The following APPL1 variants were observed in gnomAD, a reference collection of about 807,000 sequenced individuals.
APPL1 encodes DCC-interacting protein 13-alpha.
In APPL1, 42 loss-of-function variants were observed where a neutral mutation model predicts 106.8. The ratio of observed to expected loss-of-function variants is 0.39; its 90% confidence interval spans 0.31 to 0.51. The LOEUF (loss-of-function observed/expected upper bound fraction) is 0.51. APPL1 is among the 20% of genes least tolerant of loss of function. APPL1 has a pLI of 0.75. For synonymous variants in APPL1, 263 were observed against 281.8 expected (o/e 0.93, Z 0.67); for missense variants, 769 against 858.2 (o/e 0.90, Z 1.30).
At position 57,272,544 on chromosome 3, in the gene APPL1, T is replaced by G. The variant is rs986565651; in HGVS notation, c.*2857T>G. ...TTATTTAAAATTTGAATCCTATTAA[T>G]GCTGAGAGATCCTAAGAGCTAGTAT... On this transcript the variant is annotated 3_prime_UTR_variant, in exon 22 of 22. Coordinates refer to ENST00000288266, the MANE Select transcript of APPL1 (RefSeq NM_012096.3). 6.6e-6 allele frequency: 1 copy of G among 152,170 alleles called. No homozygotes were observed. Among genetic ancestry groups the G allele is most frequent in the Non-Finnish European group, 1.5e-5 (1 of 68,034 alleles). 9.4% of individuals were successfully genotyped at this position (152,170 alleles called of 1,614,324 possible).
chr3:57,248,114 A>G, intron 9 of APPL1, 79 bp from the exon 10 acceptor site: 1 of 1,421,436 alleles, frequency 7.0e-7, no homozygotes, highest in Non-Finnish European at 9.4e-7. Flanking sequence ...CATACCCGAA[A>G]CAAATATGCA....
At position 57,231,869 on chromosome 3, in the gene APPL1, C is replaced by G. The variant is rs542715816; in HGVS notation, c.55-3697C>G. ...AAGACTATCCTGAATTACAGTTACC[C>G]TTCTTTTAGTTTTGATTTATAGTAA... On this transcript the variant is annotated intron_variant, in intron 1 of 21. Transcript: ENST00000288266. 2.6e-5 allele frequency among the ~76,000 whole-genome samples: 4 copies of G among 151,640 alleles called. No individual in the cohort carries two copies. In the South Asian group the frequency reaches 8.3e-4, roughly 32 times the overall value.
Position 57,256,195 on chromosome 3 carries a change from A to G in APPL1, c.1153-762A>G, listed in dbSNP as rs144959901. On this transcript the variant is annotated intron_variant, in intron 13 of 21. Transcript: ENST00000288266. Reference sequence around the variant, plus strand: ...TTGCACGCCAGCCTGGGCAATAGAGAACGTATCTCCCAAAAAAAGACCATT... The same window carrying G: ...TTGCACGCCAGCCTGGGCAATAGAGGACGTATCTCCCAAAAAAAGACCATT... 1.2e-3 allele frequency among the ~76,000 whole-genome samples: 185 copies of G among 152,264 alleles called. 1 individual carries two copies. Among genetic ancestry groups the G allele is most frequent in the African/African-American group, 4.3e-3 (178 of 41,558 alleles).
In APPL1 at chr3:57,249,512, G is replaced by A. The variant is rs764670150; in HGVS notation, c.1016G>A (p.Arg339Gln). ...SVMAVDCEDR[R>Q]YCFQITSFDG... ...ATGGCTGTGGACTGTGAAGACAGAC[G>A]ATATTGTTTTCAGATCACCTCTTTC... Residue 339 changes from arginine to glutamine, a missense_variant, in exon 11 of 22, where the codon CGA (arginine) becomes CAA (glutamine). Coordinates refer to ENST00000288266, the MANE Select transcript of APPL1 (RefSeq NM_012096.3). The A allele has an allele frequency of 2.5e-6, 4 of 1,600,884 alleles. No individual in the cohort carries two copies. Among genetic ancestry groups the A allele is most frequent in the South Asian group, 1.1e-5 (1 of 88,312 alleles).
chr3:57,243,972 A>G (rs1458864741), intron 7 of APPL1, among the ~76,000 whole-genome samples: 1 of 152,164 alleles, frequency 6.6e-6, no homozygotes, highest in Non-Finnish European at 1.5e-5. Context: ...TGGATACTCC[A>G]CATTTATTGA....
chr3:57,227,797 G>T lies in APPL1; in HGVS notation c.-87G>T, dbSNP rs1018337446. 3.7e-5 allele frequency: 45 copies of T among 1,207,340 alleles called. No homozygotes were observed. Among genetic ancestry groups the T allele is most frequent in the South Asian group, 5.0e-5 (3 of 59,556 alleles). 74.8% of individuals were successfully genotyped at this position (1,207,340 alleles called of 1,614,324 possible). A position where few individuals can be genotyped will look rare whatever the true frequency, so the allele number is the denominator to read the frequency against. ...GGCTGCAGCCCTTGCCGGAGAGGGC[G>T]GGCCGGGGTCAGCTGCGGCGGGCGG... On this transcript the variant is annotated 5_prime_UTR_variant, in exon 1 of 22. Coordinates refer to ENST00000288266, the MANE Select transcript of APPL1 (RefSeq NM_012096.3).
In APPL1 at chr3:57,240,462, T is replaced by G; in HGVS notation, c.286-3T>G. On this transcript the variant is annotated splice_region_variant and splice_polypyrimidine_tract_variant and intron_variant, in intron 4 of 21. Coordinates refer to ENST00000288266, the MANE Select transcript of APPL1 (RefSeq NM_012096.3). ...TTGGCCTTTTTGGTCTTTCTTTTTCTAGCTTAGCTCTTGTCATGCAGTGCT... is the reference window on the plus strand; with the variant it reads ...TTGGCCTTTTTGGTCTTTCTTTTTCGAGCTTAGCTCTTGTCATGCAGTGCT... The G allele has an allele frequency of 6.2e-7, 1 of 1,613,492 alleles. No homozygotes were observed.
At chr3:57,257,130 G>A in intron 14 of APPL1, 79 bp downstream of exon 14, 4 of 1,562,108 alleles carry the variant, frequency 2.6e-6, no homozygotes, top group Non-Finnish European at 3.5e-6. Context: ...TGTTTGTACT[G>A]AAACTTAAGA....
chr3:57,263,203 C>T (rs189772321), intron 19 of APPL1, among the ~76,000 whole-genome samples: 43 of 152,208 alleles, frequency 2.8e-4, no homozygotes, highest in African/African-American at 8.7e-4. Flanking sequence ...TTATGCAATG[C>T]GTAATAACCA....
chr3:57,236,577 C>T (rs939487059), intron 2 of APPL1, among the ~76,000 whole-genome samples: 3 of 152,216 alleles, frequency 2.0e-5, no homozygotes, highest in Non-Finnish European at 4.4e-5. Context: ...ATCTGCCCGC[C>T]TCGGCCTCCC....
chr3:57,248,412 A>G (rs983522209), intron 10 of APPL1, 61 bp downstream of exon 10: 2 of 1,502,562 alleles, frequency 1.3e-6, no homozygotes, highest in Admixed American at 2.0e-5. Context: ...CCAAATGAAT[A>G]TAGTAAATAA....
chr3:57,242,846 T>C lies in APPL1; in HGVS notation c.416-10T>C. On this transcript the variant is annotated splice_polypyrimidine_tract_variant and intron_variant, in intron 6 of 21. Transcript: ENST00000288266. ...CTGTTGTATTGTTAACACTCATTTC[T>C]TTTTTCCAGATCATGATGCTGCGAT... 1 of 1,605,806 alleles carries C rather than the reference T, an allele frequency of 6.2e-7. No individual in the cohort carries two copies. Among genetic ancestry groups the C allele is most frequent in the South Asian group, 1.1e-5 (1 of 90,844 alleles).
rs113411736 is a variant in APPL1, at chr3:57,249,477, C to A, written c.981C>A (p.Asn327Lys). 4 of 1,614,130 alleles carry A rather than the reference C, an allele frequency of 2.5e-6. No homozygotes were observed. Among genetic ancestry groups the A allele is most frequent in the Non-Finnish European group, 3.4e-6 (4 of 1,180,020 alleles). Residue 327 changes from asparagine to lysine, a missense_variant, in exon 11 of 22, where the codon AAC becomes AAA. By Grantham distance (94) the Asn-to-Lys change is moderately conservative. Transcript: ENST00000288266. ...GAGGCCTGGCCATGGACATAGACAA[C>A]TGTTCAGTGATGGCTGTGGACTGTG... The part of the protein sequence containing the change: ...VAGGLAMDID[N>K]CSVMAVDCED...
chr3:57,273,455 AGT>A lies in APPL1; in HGVS notation c.*3771_*3772del, dbSNP rs940020229. On this transcript the variant is annotated 3_prime_UTR_variant, in exon 22 of 22. Coordinates refer to ENST00000288266, the MANE Select transcript of APPL1 (RefSeq NM_012096.3). ...ATAATAAAGTCCATGATTTTTGTACAGTGTTTTTTAATGAAATATTTGATACT... is the reference window on the plus strand; with the variant it reads ...ATAATAAAGTCCATGATTTTTGTACAGTTTTTTAATGAAATATTTGATACT... The A allele has an allele frequency of 6.6e-6, 1 of 152,616 alleles. No individual in the cohort carries two copies. The highest frequency in any genetic ancestry group is 1.5e-5 in the Non-Finnish European group (1 of 68,028). The allele number at this position is 152,616 out of a possible 1,614,324, so 9.5% of individuals were successfully genotyped here. A position where few individuals can be genotyped will look rare whatever the true frequency, so the allele number is the denominator to read the frequency against.
chr3:57,257,111 C>A, intron 14 of APPL1, 60 bp downstream of exon 14: 1 of 1,578,704 alleles, frequency 6.3e-7, no homozygotes. Flanking sequence ...TATCTGTGAT[C>A]TGGGATTATG....
chr3:57,237,456 C>G, intron 2 of APPL1, 36 bp from the exon 3 acceptor site: 1 of 1,511,376 alleles, frequency 6.6e-7, no homozygotes, highest in Non-Finnish European at 9.0e-7. Flanking sequence ...AAACTTTTTT[C>G]CCAGTAATAT....
intron 1 of APPL1, among the ~76,000 whole-genome samples, chr3:57,231,194 C>T (rs1186683591): frequency 6.6e-6 from 1 of 151,226 alleles, no homozygotes; most frequent in East Asian, 2.0e-4. Flanking sequence ...AAAAAATTAG[C>T]CGGGCGTGGT....
intron 7 of APPL1, among the ~76,000 whole-genome samples, chr3:57,245,025 A>G (rs1441747186): frequency 1.3e-5 from 2 of 152,204 alleles, no homozygotes; most frequent in African/African-American, 2.4e-5. Flanking sequence ...GAAACAAAGC[A>G]GAAGAACAGG....
rs1418858972 is a variant in APPL1, at chr3:57,257,342, C to T, written c.1344C>T (p.Ala448=). The part of the protein sequence containing the change: ...LAALSLDSLV[A]PDTPIQFDII... ...CCCTCTCTCTAGATTCTCTTGTTGC[C>T]CCAGACACCCCAATACAGTTTGACA... The change falls in exon 15 of 22, where the codon GCC becomes GCT. Residue 448 remains alanine, a synonymous_variant. Transcript: ENST00000288266. 6.2e-7 allele frequency: 1 copy of T among 1,613,898 alleles called. No individual in the cohort carries two copies. The highest frequency in any genetic ancestry group is 2.2e-5 in the East Asian group (1 of 44,884).
Sources: allele counts gnomAD v4.1 joint callset (sites outside exome capture counted in the v4.1 genomes callset), GRCh38; gene constraint gnomAD v4.1.1; transcripts MANE v1.5; gene names NCBI Gene and HGNC (gene_info 2026-07-23, HGNC 2026-07-21).